AEBP2: variants seen among roughly 807,000 people sequenced by gnomAD.
AEBP2 encodes zinc finger protein AEBP2.
Under a neutral mutation model 50.8 loss-of-function variants are expected in AEBP2, and 10 were observed. The ratio of observed to expected loss-of-function variants is 0.20; its 90% CI spans 0.12 to 0.33. The LOEUF is 0.33. AEBP2 is among the 10% of genes least tolerant of loss of function. The pLI, the probability that AEBP2 is intolerant of heterozygous loss-of-function variation, is 1.00. For synonymous variants in AEBP2, 296 were observed against 261.3 expected (o/e 1.13, Z -1.28); for missense variants, 570 against 688.0 (o/e 0.83, Z 1.92).
rs112047250 is a variant in AEBP2 at position 19,505,876 on chromosome 12, A to G, written c.1299+5655A>G. On this transcript the variant is annotated intron_variant, in intron 5 of 7. Coordinates refer to ENST00000266508, the MANE Select transcript of AEBP2 (RefSeq NM_153207.5). ...CTGTTGCCTCAAACTCCTGGGCTCA[A>G]GCAGTCCTCTCTCCTCAGTCTCCCA... is the stretch of plus-strand genomic sequence containing the variant. 3.3e-5 allele frequency among the ~76,000 whole-genome samples: 5 copies of G among 152,232 alleles called. 1 individual carries two copies. Among genetic ancestry groups the G allele is most frequent in the African/African-American group, 1.2e-4 (5 of 41,532 alleles).
At position 19,412,685 on chromosome 12, in the gene AEBP2, C is replaced by T. The variant is rs372977411; in HGVS notation, c.-17+8469C>T. ...CTGGCCTCAAACAATCCTCCTGCCT[C>T]GGCCTCGCAAAGTGCTGGTGTTACA... On this transcript the variant is annotated intron_variant, in intron 1 of 3. Coordinates refer to the AEBP2 transcript ENST00000538425. 4.7e-4 allele frequency among the ~76,000 whole-genome samples: 71 copies of T among 152,218 alleles called. No homozygotes were observed. The East Asian group carries it at 0.013, about 27-fold the overall frequency.
intron 6 of AEBP2, among the ~76,000 whole-genome samples, chr12:19,513,911 A>G (rs77294558): frequency 3.1e-5 from 4 of 128,686 alleles, no homozygotes. Flanking sequence ...TTTTTTTTTA[A>G]TGGAGTTTAG....
intron 4 of AEBP2, 150 bp downstream of exon 4, chr12:19,494,136 A>G: frequency 1.2e-6 from 1 of 847,804 alleles, no homozygotes; most frequent in Non-Finnish European, 1.8e-6. Flanking sequence ...GTGAGAATTC[A>G]GTGGCACATG....
chr12:19,492,670 T>C (rs1049762641), intron 3 of AEBP2, among the ~76,000 whole-genome samples: 5 of 152,126 alleles, frequency 3.3e-5, no homozygotes, highest in African/African-American at 1.2e-4. Context: ...AAGAAATTTA[T>C]AAGAAAGTAA....
chr12:19,495,971 A>AAT (rs1948973966), intron 4 of AEBP2, among the ~76,000 whole-genome samples: 2 of 152,206 alleles, frequency 1.3e-5, no homozygotes, highest in South Asian at 4.1e-4. Context: ...TACTTGTGTT[A>AAT]ATATCAAGTA....
chr12:19,513,005 T>C (rs1254283145), intron 6 of AEBP2, among the ~76,000 whole-genome samples: 2 of 152,060 alleles, frequency 1.3e-5, no homozygotes, highest in Middle Eastern at 3.2e-3. Context: ...GTGTGGTGTT[T>C]TTTGTTTTGT....
chr12:19,462,840 C>T, intron 2 of AEBP2, 123 bp downstream of exon 2: 1 of 857,650 alleles, frequency 1.2e-6, no homozygotes, highest in East Asian at 2.7e-5. Flanking sequence ...TTAGTTTTTT[C>T]AAGTGAATTT....
At chr12:19,514,583 A>C in intron 6 of AEBP2, 88 bp from the exon 7 acceptor site, 1 of 1,010,038 alleles carries the variant, frequency 9.9e-7, no homozygotes, top group Non-Finnish European at 1.5e-6. Context: ...TGATCAAAGT[A>C]GCAGAAAATG....
In AEBP2 at chr12:19,440,111, C is replaced by A. The variant is rs924264574; in HGVS notation, c.412C>A (p.Arg138Ser). The change falls in exon 1 of 8, where the codon CGC (arginine) becomes AGC (serine). Residue 138 changes from arginine (R) to serine (S), a missense_variant. Physicochemically the swap from Arg to Ser is moderately radical, Grantham distance 110. Coordinates refer to ENST00000266508, the MANE Select transcript of AEBP2 (RefSeq NM_153207.5). ...CGGCGGGAGCAGCAGCGACGAGACC[C>A]GCTCGTTGAGCCCCGGCGCCGCCAG... The part of the protein sequence containing the change: ...SSGGSSSDET[R>S]SLSPGAASSS... 8.6e-6 allele frequency: 13 copies of A among 1,504,436 alleles called. No homozygotes were observed. Among genetic ancestry groups the A allele is most frequent in the Non-Finnish European group, 1.1e-5 (13 of 1,133,072 alleles). 93.2% of individuals were successfully genotyped at this position (1,504,436 alleles called of 1,614,324 possible).
At chr12:19,484,063 T>C (rs961916619) in intron 3 of AEBP2, among the ~76,000 whole-genome samples, 3 of 152,194 alleles carry the variant, frequency 2.0e-5, no homozygotes, top group East Asian at 1.9e-4. Flanking sequence ...GGTGAGACAT[T>C]ACATCTTTTT....
At chr12:19,440,864 C>T (rs781453223) in intron 1 of AEBP2, 18 of 1,109,118 alleles carry the variant, frequency 1.6e-5, no homozygotes, top group Non-Finnish European at 2.3e-5. Flanking sequence ...CTTTTCTCTA[C>T]TTAAACAAAA....
intron 2 of AEBP2, chr12:19,466,938 T>G (rs2153371112): frequency 2.9e-6 from 1 of 347,268 alleles, no homozygotes; most frequent in African/African-American, 2.2e-5. Flanking sequence ...AGCAAAACCA[T>G]TATATATCCA....
At chr12:19,490,565 G>C (rs1329735264) in intron 3 of AEBP2, among the ~76,000 whole-genome samples, 2 of 151,840 alleles carry the variant, frequency 1.3e-5, no homozygotes, top group African/African-American at 4.8e-5. Context: ...TTTTGAGACA[G>C]AGTCTCACTT....
At chr12:19,505,597 TGAGTAGGCA>T (rs900951136) in intron 5 of AEBP2, among the ~76,000 whole-genome samples, 27 of 152,214 alleles carry the variant, frequency 1.8e-4, no homozygotes, top group African/African-American at 6.3e-4. Flanking sequence ...GGGACAACAG[TGAGTAGGCA>T]GAGTAGGCAG....
At position 19,418,311 on chromosome 12, in the gene AEBP2, A is replaced by G. The variant is rs1292901107; in HGVS notation, c.-17+14095A>G. Among the ~76,000 whole-genome samples, 4 of 143,626 alleles carry G rather than the reference A, an allele frequency of 2.8e-5. No individual in the cohort carries two copies. The East Asian group carries it at 8.3e-4, about 30-fold the overall frequency. The allele number at this position is 143,626 out of a possible 152,430, so 94.2% of individuals were successfully genotyped here. ...ACAATTATGGCTCACTGCAGCCTCG[A>G]CCTCCTGGGTTCAAGTGATCCTCCC... On this transcript the variant is annotated intron_variant, in intron 1 of 3. Transcript: ENST00000538425.
At chr12:19,430,434 G>A (rs1348473964) in intron 1 of AEBP2, among the ~76,000 whole-genome samples, 1 of 152,074 alleles carries the variant, frequency 6.6e-6, no homozygotes. Context: ...TGTTCCTTTG[G>A]CTTAGGATTG....
intron 2 of AEBP2, among the ~76,000 whole-genome samples, chr12:19,471,503 T>C (rs991991830): frequency 1.1e-4 from 16 of 150,684 alleles, no homozygotes; most frequent in Non-Finnish European, 1.5e-5. Context: ...TCTATAGCAT[T>C]TAAGTTTTTT....
intron 5 of AEBP2, among the ~76,000 whole-genome samples, chr12:19,505,274 A>G (rs1949139820): frequency 6.6e-6 from 1 of 152,216 alleles, no homozygotes; most frequent in Admixed American, 6.5e-5. Context: ...AGATGTTGTC[A>G]CCATGTCCAG....
At chr12:19,517,030 A>C (rs1949329985) in intron 7 of AEBP2, among the ~76,000 whole-genome samples, 1 of 152,192 alleles carries the variant, frequency 6.6e-6, no homozygotes, top group South Asian at 2.1e-4. Flanking sequence ...TGTCCAAAAA[A>C]TAAAAAAGGC....
Sources: gnomAD v4.1 joint callset for allele counts (sites outside exome capture counted in the v4.1 genomes callset) on GRCh38, gnomAD v4.1.1 for gene constraint, MANE v1.5 for transcripts, NCBI Gene and HGNC (gene_info 2026-07-23, HGNC 2026-07-21) for gene names.